Variants in MAP2K5 observed in about 807,000 individuals in gnomAD.
The protein encoded by MAP2K5 is mitogen-activated protein kinase kinase 5, also known as dual specificity mitogen-activated protein kinase kinase 5.
MAP2K5 carries 49 observed loss-of-function variants against 83.1 expected under a neutral mutation model. The ratio of observed to expected loss-of-function variants is 0.59; its 90% CI spans 0.47 to 0.75. The LOEUF (loss-of-function observed/expected upper bound fraction) is 0.75, where lower values mean the gene tolerates loss of function less well. MAP2K5 is among the 30% of genes least tolerant of loss of function. The pLI is 0.00. For missense variants in MAP2K5, 457 were observed against 557.5 expected (o/e 0.82, Z 1.82); for synonymous variants, 202 against 191.8 (o/e 1.05, Z -0.44).
intron 8 of MAP2K5, among the ~76,000 whole-genome samples, chr15:67,608,906 G>A (rs1052942321): frequency 2.6e-5 from 4 of 152,156 alleles, no homozygotes; most frequent in African/African-American, 9.7e-5. Context: ...TCCTCACAGG[G>A]CCAGCACGGT....
chr15:67,642,553 G>T, intron 9 of MAP2K5: 2 of 1,011,224 alleles, frequency 2.0e-6, no homozygotes, highest in Non-Finnish European at 3.2e-6. Context: ...GATAGAACAG[G>T]TTTTTTCAAT....
rs909604835 is a variant in MAP2K5, at chr15:67,576,702, C to T, written c.253-4052C>T. The stretch of plus-strand genomic sequence containing the variant: ...GAGAAAACATATTTTATAATTGCTG[C>T]TGATGTATTCAGTTTGGACACAATA... On this transcript the variant is annotated intron_variant, in intron 3 of 21. Transcript: ENST00000178640. Among the ~76,000 whole-genome samples, 9 of 147,366 alleles carry T rather than the reference C, an allele frequency of 6.1e-5. 1 individual carries two copies. The highest frequency in any genetic ancestry group is 2.2e-4 in the African/African-American group (9 of 40,668).
rs1377478305 is a variant in MAP2K5 at position 67,543,505 on chromosome 15, G to A, written c.135+35G>A. ...AATCTCAGTGTCCGGATGCCAGCAAGGGGGACTCAGGGACTTGAGTAGTCA... is the reference window on the plus strand; with the variant it reads ...AATCTCAGTGTCCGGATGCCAGCAAAGGGGACTCAGGGACTTGAGTAGTCA... On this transcript the variant is annotated intron_variant, in intron 1 of 21. Transcript: ENST00000178640. The surrounding 1 kb of genome is among the most constrained non-coding windows in gnomAD (Gnocchi z 4.3). 6.2e-7 allele frequency: 1 copy of A among 1,612,844 alleles called. No homozygotes were observed.
intron 7 of MAP2K5, among the ~76,000 whole-genome samples, chr15:67,597,186 G>C: frequency 7.0e-6 from 1 of 143,486 alleles, no homozygotes; most frequent in Admixed American, 6.9e-5. Flanking sequence ...AAAAAAAAAA[G>C]AAAAAAAAAA....
chr15:67,649,940 T>C (rs2086914444), intron 11 of MAP2K5, among the ~76,000 whole-genome samples: 1 of 152,198 alleles, frequency 6.6e-6, no homozygotes, highest in Admixed American at 6.5e-5. Context: ...TTGGGGAATA[T>C]TGCTGTCTTA....
chr15:67,590,192 A>G (rs2085368386), intron 6 of MAP2K5, among the ~76,000 whole-genome samples: 1 of 152,200 alleles, frequency 6.6e-6, no homozygotes, highest in Admixed American at 6.5e-5. Flanking sequence ...CTCAGTCTCC[A>G]TAGTTTACAT....
intron 19 of MAP2K5, among the ~76,000 whole-genome samples, chr15:67,762,091 T>A (rs528996725): frequency 1.6e-4 from 25 of 152,362 alleles, no homozygotes; most frequent in Non-Finnish European, 2.5e-4. Context: ...TAATGGTTCC[T>A]AAAACTCAAT....
At chr15:67,744,513 C>T (rs1462357328) in intron 17 of MAP2K5, among the ~76,000 whole-genome samples, 3 of 152,170 alleles carry the variant, frequency 2.0e-5, no homozygotes, top group African/African-American at 7.2e-5. Context: ...CAGGGCAAGC[C>T]ATAATTTCAG....
At chr15:67,772,670 A>G in intron 20 of MAP2K5, 37 bp from the exon 21 acceptor site, 1 of 1,413,958 alleles carries the variant, frequency 7.1e-7, no homozygotes. Context: ...TACAAATGAC[A>G]CAGATAACAT....
At chr15:67,806,347 C>T (rs377476261) in intron 21 of MAP2K5, among the ~76,000 whole-genome samples, 47 of 152,298 alleles carry the variant, frequency 3.1e-4, no homozygotes, top group African/African-American at 1.0e-3. Context: ...GAGTGTGCAG[C>T]GAAGACAGGC....
At chr15:67,735,214 T>C (rs2089312673) in intron 17 of MAP2K5, among the ~76,000 whole-genome samples, 1 of 152,152 alleles carries the variant, frequency 6.6e-6, no homozygotes, top group Non-Finnish European at 1.5e-5. Flanking sequence ...AAACAGGAGG[T>C]GGGTTCCTAG....
intron 11 of MAP2K5, among the ~76,000 whole-genome samples, chr15:67,648,437 G>T (rs751561944): frequency 4.6e-5 from 7 of 151,960 alleles, no homozygotes; most frequent in African/African-American, 1.7e-4. Context: ...ATAACATTTC[G>T]TTGTATGGCT....
chr15:67,772,263 T>C (rs1326898672), intron 20 of MAP2K5, among the ~76,000 whole-genome samples: 1 of 152,174 alleles, frequency 6.6e-6, no homozygotes, highest in African/African-American at 2.4e-5. Flanking sequence ...AGATGTATTC[T>C]CATTTGACTC....
intron 9 of MAP2K5, among the ~76,000 whole-genome samples, chr15:67,631,755 G>A (rs187866747): frequency 2.0e-5 from 3 of 152,296 alleles, no homozygotes; most frequent in East Asian, 3.9e-4. Context: ...CACTGCTGGC[G>A]CTTGATCTTC....
intron 16 of MAP2K5, among the ~76,000 whole-genome samples, chr15:67,710,497 GTTTTTTTTTTT>G: frequency 1.2e-5 from 1 of 81,032 alleles, no homozygotes; most frequent in African/African-American, 4.9e-5. Context: ...ATCTTCTGAA[GTTTTTTTTTTT>G]TTTTTTTTTT....
chr15:67,619,017 G>T (rs563721285), intron 8 of MAP2K5, among the ~76,000 whole-genome samples: 2 of 152,234 alleles, frequency 1.3e-5, no homozygotes, highest in East Asian at 3.9e-4. Context: ...GTGCTACACA[G>T]TCTGTTTTCC....
chr15:67,707,158 G>T (rs2088575504), intron 16 of MAP2K5, among the ~76,000 whole-genome samples: 1 of 152,128 alleles, frequency 6.6e-6, no homozygotes, highest in African/African-American at 2.4e-5. Flanking sequence ...CTTGTGATCT[G>T]CCCGTCTTGG....
intron 1 of MAP2K5, chr15:67,548,913 G>T: frequency 1.7e-6 from 1 of 589,542 alleles, no homozygotes; most frequent in Non-Finnish European, 2.5e-6. Flanking sequence ...ATTTATTTTT[G>T]AAAAAAAAAA....
Position 67,552,983 on chromosome 15 carries a change from G to A in MAP2K5, c.184+2901G>A, listed in dbSNP as rs1249845334. 2.0e-5 allele frequency among the ~76,000 whole-genome samples: 3 copies of A among 151,972 alleles called. No individual in the cohort carries two copies. The highest frequency in any genetic ancestry group is 2.9e-5 in the Non-Finnish European group (2 of 67,984). ...ACTTTGTACTTTTTACTTGCTTTTCGGATCCCCAAAGTGGCTTGATGTGCC... is the reference window on the plus strand; with the variant it reads ...ACTTTGTACTTTTTACTTGCTTTTCAGATCCCCAAAGTGGCTTGATGTGCC... On this transcript the variant is annotated intron_variant, in intron 2 of 21. Transcript: ENST00000178640. The surrounding 1 kb of genome is among the most constrained non-coding windows in gnomAD (Gnocchi z 4.2).
Sources: allele counts gnomAD v4.1 joint callset (sites outside exome capture counted in the v4.1 genomes callset), GRCh38; gene constraint gnomAD v4.1.1; non-coding constraint Gnocchi (gnomAD v3.1); transcripts MANE v1.5; gene names NCBI Gene and HGNC (gene_info 2026-07-23, HGNC 2026-07-21).